The following CCDC85A variants were observed in gnomAD, a reference collection of about 807,000 sequenced individuals.
The protein encoded by CCDC85A is coiled-coil domain-containing protein 85A.
CCDC85A carries 38 observed loss-of-function variants against 50.2 expected under a neutral mutation model. That is an observed-to-expected ratio of 0.76 (90% CI 0.58 to 0.99). The LOEUF is 0.99. Ranked by LOEUF, CCDC85A falls within the 50% of genes least tolerant of loss-of-function variation. The pLI is 0.00. For missense variants in CCDC85A, 820 were observed against 742.0 expected (o/e 1.11, Z -1.22); for synonymous variants, 366 against 301.4 (o/e 1.21, Z -2.22).
At position 56,193,254 on chromosome 2, in the gene CCDC85A, C is replaced by T. The variant is rs1313571172; in HGVS notation, c.1054C>T (p.Pro352Ser). Residue 352 changes from proline to serine, a missense_variant, in exon 2 of 6, where the codon CCC becomes TCC. Coordinates refer to ENST00000407595, the MANE Select transcript of CCDC85A (RefSeq NM_001080433.2). ...TCTTGGGGGGAGCCTAGAGCATCTC[C>T]CCAGAGCCAGGGGCACCAGCCCGGA... ...HALGGSLEHL[P>S]RARGTSPEHL... is the part of the protein sequence containing the mutation. The T allele has an allele frequency of 7.4e-6, 12 of 1,612,724 alleles. No individual in the cohort carries two copies. The highest frequency in any genetic ancestry group is 1.7e-5 in the Admixed American group (1 of 59,940).
intron 3 of CCDC85A, among the ~76,000 whole-genome samples, chr2:56,346,810 C>A (rs1343527165): frequency 1.3e-5 from 2 of 152,152 alleles, no homozygotes; most frequent in African/African-American, 4.8e-5. Flanking sequence ...ACAGTTAAAT[C>A]TTTTTCAAAG....
chr2:56,204,020 G>T (rs1276527603), intron 2 of CCDC85A, among the ~76,000 whole-genome samples: 1 of 152,062 alleles, frequency 6.6e-6, no homozygotes, highest in African/African-American at 2.4e-5. Context: ...ACCTCTGTGG[G>T]CAAAATAATT....
At chr2:56,312,864 GA>G in intron 2 of CCDC85A, among the ~76,000 whole-genome samples, 1 of 150,604 alleles carries the variant, frequency 6.6e-6, no homozygotes, top group East Asian at 1.9e-4. Flanking sequence ...TCTTAAAACT[GA>G]TTTGATATAT....
chr2:56,302,985 G>C (rs890455763), intron 2 of CCDC85A, among the ~76,000 whole-genome samples: 1 of 152,150 alleles, frequency 6.6e-6, no homozygotes, highest in Non-Finnish European at 1.5e-5. Context: ...GGTGTGCTCA[G>C]TGTCATGCCT....
At chr2:56,327,263 A>G (rs980885721) in intron 2 of CCDC85A, among the ~76,000 whole-genome samples, 2 of 152,176 alleles carry the variant, frequency 1.3e-5, no homozygotes, top group East Asian at 3.9e-4. Flanking sequence ...GGTGTTAAAG[A>G]GTCTGAAAGA....
At chr2:56,244,041 C>G (rs1423860311) in intron 2 of CCDC85A, among the ~76,000 whole-genome samples, 3 of 152,192 alleles carry the variant, frequency 2.0e-5, no homozygotes, top group Non-Finnish European at 4.4e-5. Flanking sequence ...AGTACTGGGT[C>G]TTGCCTAAGG....
intron 3 of CCDC85A, among the ~76,000 whole-genome samples, chr2:56,370,379 CAGAACACA>C (rs1312550247): frequency 6.6e-6 from 1 of 151,946 alleles, no homozygotes; most frequent in Non-Finnish European, 1.5e-5. Context: ...ATGGCTGGCC[CAGAACACA>C]CTTTTCTATA....
chr2:56,249,500 C>G (rs1669656825), intron 2 of CCDC85A, among the ~76,000 whole-genome samples: 1 of 152,134 alleles, frequency 6.6e-6, no homozygotes, highest in Admixed American at 6.5e-5. Context: ...TGAATCTGTC[C>G]CTGAAGAACA....
chr2:56,314,603 G>A (rs1672837993), intron 2 of CCDC85A, among the ~76,000 whole-genome samples: 1 of 151,900 alleles, frequency 6.6e-6, no homozygotes, highest in African/African-American at 2.4e-5. Flanking sequence ...TAGCAATTCT[G>A]AAACTGATTG....
At chr2:56,286,658 T>C (rs1671458831) in intron 2 of CCDC85A, among the ~76,000 whole-genome samples, 1 of 152,204 alleles carries the variant, frequency 6.6e-6, no homozygotes, top group Non-Finnish European at 1.5e-5. Context: ...ATAATAACTA[T>C]GTTAAAATCC....
intron 1 of CCDC85A, 136 bp downstream of exon 1, chr2:56,185,036 C>G: frequency 9.3e-7 from 1 of 1,070,250 alleles, no homozygotes; most frequent in South Asian, 1.7e-5. Flanking sequence ...CCCCCTACCC[C>G]CAGTCCCCAG....
chr2:56,297,058 C>T (rs1296275057), intron 2 of CCDC85A, among the ~76,000 whole-genome samples: 1 of 152,022 alleles, frequency 6.6e-6, no homozygotes, highest in Non-Finnish European at 1.5e-5. Context: ...GAAAAATGAA[C>T]ATGAGATGTT....
At chr2:56,280,855 C>T (rs1558620982) in intron 2 of CCDC85A, among the ~76,000 whole-genome samples, 2 of 152,156 alleles carry the variant, frequency 1.3e-5, no homozygotes, top group Non-Finnish European at 2.9e-5. Context: ...TAGTTTCACT[C>T]ATAAAGTAAA....
chr2:56,353,402 G>A (rs17047819), intron 3 of CCDC85A, among the ~76,000 whole-genome samples: 21,212 of 152,232 alleles, frequency 0.14, 1,601 homozygotes, highest in East Asian at 0.26. Context: ...GTGTGATAAA[G>A]GCTTGTGGAT....
rs1379946626 is a variant in CCDC85A at position 56,205,555 on chromosome 2, G to A, written c.1240+12115G>A. Among the ~76,000 whole-genome samples the A allele has an allele frequency of 2.6e-5, 4 of 152,158 alleles. No homozygotes were observed. In the East Asian group the frequency reaches 5.8e-4, roughly 22 times the overall value. On this transcript the variant is annotated intron_variant, in intron 2 of 5. Coordinates refer to ENST00000407595, the MANE Select transcript of CCDC85A (RefSeq NM_001080433.2). ...TACAACAAATTAAAGGCTAGTCAGA[G>A]TGTGTCCTGAGATAAACAACATGGT... is the stretch of plus-strand genomic sequence containing the variant.
intron 2 of CCDC85A, among the ~76,000 whole-genome samples, chr2:56,239,138 C>A (rs746617267): frequency 2.6e-5 from 4 of 151,930 alleles, no homozygotes; most frequent in Non-Finnish European, 5.9e-5. Flanking sequence ...TTTGAGGTTC[C>A]CTAAGCAGAC....
intron 2 of CCDC85A, among the ~76,000 whole-genome samples, chr2:56,295,008 A>G (rs1396641780): frequency 6.6e-6 from 1 of 152,236 alleles, no homozygotes; most frequent in African/African-American, 2.4e-5. Context: ...AATTGTCTGC[A>G]TTATCTGGTA....
intron 5 of CCDC85A, 84 bp from the exon 6 acceptor site, chr2:56,384,182 C>T (rs1372968070): frequency 2.7e-5 from 32 of 1,188,994 alleles, no homozygotes; most frequent in Non-Finnish European, 3.7e-5. Context: ...ATCTTCGCTC[C>T]TCTCTTAATT....
At position 56,331,365 on chromosome 2, in the gene CCDC85A, C is replaced by G. The variant is rs554147862; in HGVS notation, c.1241-11514C>G. Among the ~76,000 whole-genome samples, 381 of 152,114 alleles carry G rather than the reference C, an allele frequency of 2.5e-3. 2 individuals are homozygous for G. The highest frequency in any genetic ancestry group is 4.2e-3 in the Non-Finnish European group (285 of 67,980). On this transcript the variant is annotated intron_variant, in intron 2 of 5. Coordinates refer to ENST00000407595, the MANE Select transcript of CCDC85A (RefSeq NM_001080433.2). ...TGGCACCTGTATACCTATATAAGCT[C>G]CACGTTCTGCACATGTATCCCAGAA...
Sources: gnomAD v4.1 joint callset for allele counts (sites outside exome capture counted in the v4.1 genomes callset) on GRCh38, gnomAD v4.1.1 for gene constraint, MANE v1.5 for transcripts, NCBI Gene and HGNC (gene_info 2026-07-23, HGNC 2026-07-21) for gene names.